The following UBE2V2 variants were observed in gnomAD, a reference collection of about 807,000 sequenced individuals.
The protein encoded by UBE2V2 is ubiquitin-conjugating enzyme E2 variant 2.
In UBE2V2, 9 loss-of-function variants were observed where a neutral mutation model predicts 17.2. The ratio of observed to expected loss-of-function variants is 0.52; its 90% CI spans 0.32 to 0.91. The LOEUF (loss-of-function observed/expected upper bound fraction) is 0.91, where lower values mean the gene tolerates loss of function less well. Ranked by LOEUF, UBE2V2 falls within the 40% of genes least tolerant of loss-of-function variation. UBE2V2 has a pLI of 0.04. For synonymous variants in UBE2V2, 61 were observed against 57.5 expected, an observed-to-expected ratio of 1.06 and a Z score of -0.28; for missense variants, 133 against 182.6, an observed-to-expected ratio of 0.73 and a Z score of 1.56.
chr8:48,019,198 C>T (rs1053652136), intron 1 of UBE2V2, among the ~76,000 whole-genome samples: 1 of 152,136 alleles, frequency 6.6e-6, no homozygotes, highest in Non-Finnish European at 1.5e-5. Context: ...AACCCCATCT[C>T]TACTAAAAAT....
the UBE2V2 span, among the ~76,000 whole-genome samples, chr8:48,002,082 C>T: frequency 2.7e-5 from 4 of 150,860 alleles, no homozygotes; most frequent in African/African-American, 9.7e-5. Flanking sequence ...AGTGAAACTC[C>T]GACTCAGAAA....
chr8:48,020,742 A>G (rs2091299150), intron 1 of UBE2V2, among the ~76,000 whole-genome samples: 1 of 152,000 alleles, frequency 6.6e-6, no homozygotes, highest in Non-Finnish European at 1.5e-5. Flanking sequence ...AGTAGCTAGG[A>G]CTATAGGTGT....
chr8:48,059,264 C>T (rs1202790968), intron 3 of UBE2V2, among the ~76,000 whole-genome samples: 2 of 151,788 alleles, frequency 1.3e-5, no homozygotes, highest in African/African-American at 4.8e-5. Context: ...TGCTTGAGGT[C>T]AGCTGTAGAT....
At chr8:48,023,037 T>G (rs1206180482) in intron 1 of UBE2V2, among the ~76,000 whole-genome samples, 5 of 152,044 alleles carry the variant, frequency 3.3e-5, no homozygotes, top group East Asian at 1.9e-4. Flanking sequence ...GTTATTTGCT[T>G]CTTTTCTCTT....
intron 1 of UBE2V2, among the ~76,000 whole-genome samples, chr8:48,014,270 A>C (rs1223871311): frequency 6.6e-6 from 1 of 152,218 alleles, no homozygotes; most frequent in African/African-American, 2.4e-5. Flanking sequence ...TACCCAAAGC[A>C]GTCTTAATAA....
upstream of UBE2V2, among the ~76,000 whole-genome samples, chr8:48,006,250 A>C (rs926014608): frequency 1.3e-5 from 2 of 152,154 alleles, no homozygotes; most frequent in Middle Eastern, 3.2e-3. Context: ...AGTTTTCCCA[A>C]CACCATTTAT....
rs1006633122 is a variant in UBE2V2, at chr8:48,061,451, TAACA to T, written c.*627_*630del. 7.9e-5 allele frequency: 12 copies of T among 152,682 alleles called. No individual in the cohort carries two copies. The highest frequency in any genetic ancestry group is 3.9e-4 in the Admixed American group (6 of 15,276). 9.5% of individuals were successfully genotyped at this position (152,682 alleles called of 1,614,324 possible). A position where few individuals can be genotyped will look rare whatever the true frequency, so the allele number is the denominator to read the frequency against. On this transcript the variant is annotated 3_prime_UTR_variant, in exon 4 of 4. Coordinates refer to ENST00000523111, the MANE Select transcript of UBE2V2 (RefSeq NM_003350.3). ...TAAATATTTGTTTACAGTCTTTGTT[TAACA>T]AACCATGCATTTAAGTTTAAGTGAA...
chr8:48,035,631 T>G (rs13270025), intron 1 of UBE2V2, among the ~76,000 whole-genome samples: 12,007 of 109,600 alleles, frequency 0.11, 1,091 homozygotes, highest in South Asian at 0.2. Context: ...TTTTTTTTTT[T>G]TGTGTGTGTG....
At chr8:48,033,137 T>G (rs990572683) in intron 1 of UBE2V2, among the ~76,000 whole-genome samples, 1 of 152,150 alleles carries the variant, frequency 6.6e-6, no homozygotes, top group African/African-American at 2.4e-5. Flanking sequence ...TCCTCAGATA[T>G]TCTAACAACT....
At chr8:48,035,171 A>AGTGG (rs1458297963) in intron 1 of UBE2V2, 34 of 946,616 alleles carry the variant, frequency 3.6e-5, no homozygotes, top group Non-Finnish European at 4.2e-5. Context: ...GCTGTAGTGC[A>AGTGG]GTGGCACAAT....
intron 3 of UBE2V2, among the ~76,000 whole-genome samples, chr8:48,056,643 A>G (rs912314443): frequency 2.6e-5 from 4 of 151,058 alleles, no homozygotes; most frequent in African/African-American, 9.7e-5. Context: ...CCACCCGCCT[A>G]TCTCTCCCAA....
intron 1 of UBE2V2, among the ~76,000 whole-genome samples, chr8:48,027,898 G>C (rs2091356039): frequency 1.3e-5 from 2 of 152,080 alleles, no homozygotes; most frequent in Non-Finnish European, 2.9e-5. Flanking sequence ...CTCTCGCCCA[G>C]GCTGGAGTGC....
At position 48,060,910 on chromosome 8, in the gene UBE2V2, A is replaced by G; in HGVS notation, c.*82A>G. The G allele has an allele frequency of 8.0e-7, 1 of 1,256,870 alleles. No homozygotes were observed. The highest frequency in any genetic ancestry group is 1.0e-6 in the Non-Finnish European group (1 of 964,964). 77.9% of individuals were successfully genotyped at this position (1,256,870 alleles called of 1,614,324 possible). On this transcript the variant is annotated 3_prime_UTR_variant, in exon 4 of 4. Transcript: ENST00000523111. The stretch of plus-strand genomic sequence containing the variant: ...TTGATTAAATATCACAATGCAAAAT[A>G]CACATTAAGTAAAAGAATTCCAGCT...
At chr8:48,023,800 C>T (rs1244799398) in intron 1 of UBE2V2, among the ~76,000 whole-genome samples, 25 of 152,038 alleles carry the variant, frequency 1.6e-4, no homozygotes, top group African/African-American at 5.8e-4. Flanking sequence ...CACTTGAACC[C>T]AGGAGGCAGA....
intron 1 of UBE2V2, among the ~76,000 whole-genome samples, chr8:48,017,070 C>T (rs1476255542): frequency 2.6e-5 from 4 of 152,102 alleles, no homozygotes; most frequent in East Asian, 1.9e-4. Flanking sequence ...GGATTACAGG[C>T]GTGAGCCACT....
intron 1 of UBE2V2, among the ~76,000 whole-genome samples, chr8:48,009,491 C>T (rs2091213276): frequency 6.6e-6 from 1 of 152,110 alleles, no homozygotes; most frequent in African/African-American, 2.4e-5. Flanking sequence ...GTCTCGAACT[C>T]CTGACCTCAG....
intron 1 of UBE2V2, among the ~76,000 whole-genome samples, chr8:48,030,099 T>G (rs2091372855): frequency 6.6e-6 from 1 of 152,228 alleles, no homozygotes; most frequent in African/African-American, 2.4e-5. Flanking sequence ...GTGAAGTAAC[T>G]GCTACATTCA....
At chr8:48,014,140 G>T (rs1024078412) in intron 1 of UBE2V2, among the ~76,000 whole-genome samples, 14 of 152,102 alleles carry the variant, frequency 9.2e-5, no homozygotes, top group African/African-American at 2.7e-4. Context: ...GATTTTTCTA[G>T]GTCATTTGGG....
At chr8:48,018,938 A>G (rs749228965) in intron 1 of UBE2V2, among the ~76,000 whole-genome samples, 1 of 152,098 alleles carries the variant, frequency 6.6e-6, no homozygotes, top group Non-Finnish European at 1.5e-5. Context: ...TTAAAAATCT[A>G]TTTTATTGGG....
Sources: allele counts gnomAD v4.1 joint callset (sites outside exome capture counted in the v4.1 genomes callset), GRCh38; gene constraint gnomAD v4.1.1; transcripts MANE v1.5; gene names NCBI Gene and HGNC (gene_info 2026-07-23, HGNC 2026-07-21).